NOA1: variants seen among roughly 807,000 people sequenced by gnomAD.
NOA1 encodes nitric oxide associated 1.
NOA1 carries 35 observed loss-of-function variants against 58.4 expected under a neutral mutation model. The observed-to-expected ratio is 0.60, with a 90% confidence interval of 0.46 to 0.79. The LOEUF is 0.79. Ranked by LOEUF, NOA1 falls within the 30% of genes least tolerant of loss-of-function variation. NOA1 has a pLI of 0.00. For synonymous variants in NOA1, 397 were observed against 373.4 expected (o/e 1.06, Z -0.73); for missense variants, 895 against 894.6 (o/e 1.00, Z -0.01).
In NOA1 at chr4:56,976,492, G is replaced by A; in HGVS notation, c.1094C>T (p.Thr365Ile). Residue 365 changes from threonine to isoleucine, a missense_variant, in exon 1 of 7, where the codon ACT (threonine) becomes ATT (isoleucine). By Grantham distance (89) the Thr-to-Ile change is moderately conservative. Transcript: ENST00000264230. ...FNTLLESDYC[T>I]AKGSEAIDRA... ...GTCGATGGCCTCGGAGCCCTTGGCA[G>A]TGCAGTAATCGGACTCCAGGAGCGT... 1 of 1,614,238 alleles carries A rather than the reference G, an allele frequency of 6.2e-7. No homozygotes were observed. The highest frequency in any genetic ancestry group is 8.5e-7 in the Non-Finnish European group (1 of 1,180,034).
Position 56,976,423 on chromosome 4 carries a change from C to A in NOA1, c.1144+19G>T. The A allele has an allele frequency of 6.2e-7, 1 of 1,600,348 alleles. No individual in the cohort carries two copies. The highest frequency in any genetic ancestry group is 8.5e-7 in the Non-Finnish European group (1 of 1,170,450). ...CCACCTTGCCAGGAAACGAAGAGGG[C>A]GAGCCTCCTAAAACTCACCTGGCCA... On this transcript the variant is annotated intron_variant, in intron 1 of 6. Coordinates refer to ENST00000264230, the MANE Select transcript of NOA1 (RefSeq NM_032313.4).
chr4:56,964,033 T>TA (rs1319897961), intron 6 of NOA1, among the ~76,000 whole-genome samples: 1 of 151,312 alleles, frequency 6.6e-6, no homozygotes, highest in African/African-American at 2.4e-5. Context: ...CACTTTTCTA[T>TA]AAAAAAAATT....
Position 56,976,566 on chromosome 4 carries a change from G to A in NOA1, c.1020C>T (p.Asp340=). The part of the protein sequence containing the change: ...ALQRSWRYRG[D]VYLVGATNAG... ...CGTTGGTGGCGCCCACTAAGTAGACGTCCCCACGGTAGCGCCAGGAGCGCT... is the reference window on the plus strand; with the variant it reads ...CGTTGGTGGCGCCCACTAAGTAGACATCCCCACGGTAGCGCCAGGAGCGCT... Residue 340 remains aspartate (D), a synonymous_variant, in exon 1 of 7, where the codon GAC becomes GAT. Coordinates refer to ENST00000264230, the MANE Select transcript of NOA1 (RefSeq NM_032313.4). The A allele has an allele frequency of 6.2e-7, 1 of 1,614,226 alleles. No homozygotes were observed.
At chr4:56,973,014 C>G (rs983028936) in intron 3 of NOA1, 134 bp downstream of exon 3, 34 of 741,042 alleles carry the variant, frequency 4.6e-5, no homozygotes, top group Non-Finnish European at 7.3e-5. Context: ...TTAGCTGGCT[C>G]TACATGCATT....
intron 3 of NOA1, among the ~76,000 whole-genome samples, chr4:56,971,468 AT>A (rs1721809993): frequency 6.6e-6 from 1 of 152,142 alleles, no homozygotes; most frequent in South Asian, 2.1e-4. Context: ...GAGCAATAAA[AT>A]TTAAAAGGTG....
In NOA1 at chr4:56,976,858, A is replaced by T. The variant is rs758142947; in HGVS notation, c.728T>A (p.Leu243Gln). ...DLPALVGPKQ[L>Q]IVLGNKVDLL... ...GTCCACTTTGTTTCCCAGCACGATCAGCTGCTTGGGGCCCACCAGCGCGGG... is the reference window on the plus strand; with the variant it reads ...GTCCACTTTGTTTCCCAGCACGATCTGCTGCTTGGGGCCCACCAGCGCGGG... Residue 243 changes from leucine to glutamine, a missense_variant, in exon 1 of 7, where the codon CTG becomes CAG. Around this residue, in one of 3 missense-constraint regions of NOA1, gnomAD observed 680 missense variants for 656.5 expected, o/e 1.04. Transcript: ENST00000264230. The T allele has an allele frequency of 3.2e-5, 51 of 1,613,050 alleles. No homozygotes were observed. The highest frequency in any genetic ancestry group is 4.2e-5 in the Non-Finnish European group (50 of 1,179,852).
chr4:56,970,559 C>G (rs922617390), intron 3 of NOA1, among the ~76,000 whole-genome samples: 5 of 151,844 alleles, frequency 3.3e-5, no homozygotes, highest in African/African-American at 1.2e-4. Context: ...ATAAGTGTAT[C>G]AAGTGATTCT....
intron 6 of NOA1, among the ~76,000 whole-genome samples, chr4:56,963,928 T>G (rs1260360588): frequency 6.6e-6 from 1 of 152,022 alleles, no homozygotes; most frequent in Non-Finnish European, 1.5e-5. Flanking sequence ...ATACAATGCG[T>G]TTGTGCAAAG....
chr4:56,965,256 G>C (rs1218718251), intron 5 of NOA1, among the ~76,000 whole-genome samples: 1 of 152,070 alleles, frequency 6.6e-6, no homozygotes, highest in Non-Finnish European at 1.5e-5. Context: ...GCCCACCTCG[G>C]CCTCCCAAAG....
chr4:56,968,307 CGT>C, intron 4 of NOA1, 75 bp downstream of exon 4: 1 of 1,378,688 alleles, frequency 7.3e-7, no homozygotes. Flanking sequence ...TTTTGTCAGT[CGT>C]GTTCATACAT....
chr4:56,976,792 C>T lies in NOA1; in HGVS notation c.794G>A (p.Arg265Gln), dbSNP rs371243246. The T allele has an allele frequency of 1.9e-6, 3 of 1,610,256 alleles. No homozygotes were observed. The African/African-American group carries it at 4.0e-5, about 22-fold the overall frequency. Residue 265 changes from arginine to glutamine, a missense_variant, in exon 1 of 7, where the codon CGG becomes CAG. Arg to Gln is a conservative substitution (Grantham distance 43). Coordinates refer to ENST00000264230, the MANE Select transcript of NOA1 (RefSeq NM_032313.4). ...QDAPGYRQRL[R>Q]ERLWEDCARA... ...GGCACAGTCCTCCCACAGTCGCTCC[C>T]GCAGCCTCTGCCGGTAGCCAGGAGC...
At chr4:56,968,259 A>T (rs1721752479) in intron 4 of NOA1, 125 bp downstream of exon 4, 15 of 1,057,360 alleles carry the variant, frequency 1.4e-5, no homozygotes, top group Non-Finnish European at 1.9e-5. Flanking sequence ...ACATAAAAAC[A>T]AATTAAACCC....
At chr4:56,963,683 C>T in intron 6 of NOA1, 22 bp from the exon 7 acceptor site, 2 of 1,579,546 alleles carry the variant, frequency 1.3e-6, no homozygotes, top group Middle Eastern at 1.7e-4. Flanking sequence ...TGTGACACAA[C>T]ACAAAAGGCT....
Position 56,976,716 on chromosome 4 carries a change from G to C in NOA1, c.870C>G (p.Val290=). The C allele has an allele frequency of 6.2e-7, 1 of 1,612,612 alleles. No individual in the cohort carries two copies. The highest frequency in any genetic ancestry group is 8.5e-7 in the Non-Finnish European group (1 of 1,179,340). The change falls in exon 1 of 7, where the codon GTC becomes GTG. Residue 290 remains valine, a synonymous_variant. Transcript: ENST00000264230. Reference sequence around the variant, plus strand: ...TCTCCCCGTCCTGTGGCTCGTCCTTGACGGGGCGCTGTGGCCCTTGGTGGC... The same window carrying C: ...TCTCCCCGTCCTGTGGCTCGTCCTTCACGGGGCGCTGTGGCCCTTGGTGGC... ...APGHQGPQRP[V]KDEPQDGENP...
chr4:56,974,090 G>GTCCACCGA, intron 1 of NOA1, 68 bp from the exon 2 acceptor site: 1 of 812,214 alleles, frequency 1.2e-6, no homozygotes, highest in Non-Finnish European at 1.7e-6. Flanking sequence ...ACATTTTTGA[G>GTCCACCGA]GATCTACACT....
rs1299496041 is a variant in NOA1, at chr4:56,976,645, C to T, written c.941G>A (p.Arg314Gln). Reference sequence around the variant, plus strand: ...ATAGCCGGTCTTGGCGCTGATCAGCCGCACGTCCCTGACCACTGTGCGGGA... The same window carrying T: ...ATAGCCGGTCTTGGCGCTGATCAGCTGCACGTCCCTGACCACTGTGCGGGA... Reference protein sequence around the residue: ...NWSRTVVRDVRLISAKTGYGV... With the variant: ...NWSRTVVRDVQLISAKTGYGV... Residue 314 changes from arginine (R) to glutamine (Q), a missense_variant, in exon 1 of 7, where the codon CGG becomes CAG. Physicochemically the swap from Arg to Gln is conservative, Grantham distance 43 (BLOSUM62 1). Transcript: ENST00000264230. The T allele has an allele frequency of 6.2e-7, 1 of 1,614,194 alleles. No homozygotes were observed. The highest frequency in any genetic ancestry group is 8.5e-7 in the Non-Finnish European group (1 of 1,180,032).
chr4:56,969,520 C>CGA (rs1721778325), intron 3 of NOA1, among the ~76,000 whole-genome samples: 1 of 152,128 alleles, frequency 6.6e-6, no homozygotes, highest in East Asian at 1.9e-4. Flanking sequence ...TGTGGTGAGC[C>CGA]GAGATTGCAC....
intron 1 of NOA1, 54 bp downstream of exon 1, chr4:56,976,388 G>A (rs1376233373): frequency 1.3e-6 from 2 of 1,518,634 alleles, no homozygotes; most frequent in Admixed American, 3.7e-5. Flanking sequence ...CCTCGGCCAG[G>A]ACCAGACGTC....
At chr4:56,975,086 C>T (rs1451552505) in intron 1 of NOA1, among the ~76,000 whole-genome samples, 1 of 151,686 alleles carries the variant, frequency 6.6e-6, no homozygotes, top group Non-Finnish European at 1.5e-5. Context: ...TGCAGTGGCC[C>T]AATTAGGGCT....
Sources: allele counts gnomAD v4.1 joint callset (sites outside exome capture counted in the v4.1 genomes callset), GRCh38; gene constraint gnomAD v4.1.1; regional missense constraint gnomAD v4.1.1; transcripts MANE v1.5; gene names NCBI Gene and HGNC (gene_info 2026-07-23, HGNC 2026-07-21).